The following P4HA3 variants were observed in gnomAD, a reference collection of about 807,000 sequenced individuals.
P4HA3 encodes the protein prolyl 4-hydroxylase subunit alpha-3.
Under a neutral mutation model 66.7 loss-of-function variants are expected in P4HA3, and 60 were observed. The ratio of observed to expected loss-of-function variants is 0.90; its 90% CI spans 0.73 to 1.12. The LOEUF (loss-of-function observed/expected upper bound fraction) is 1.12, where lower values mean the gene tolerates loss of function less well. Among genes scored for constraint, P4HA3 ranks in the 50% most tolerant of loss-of-function variants. P4HA3 has a pLI of 0.00. For synonymous variants in P4HA3, 263 were observed against 274.6 expected (o/e 0.96, Z 0.42); for missense variants, 683 against 685.8 (o/e 1.00, Z 0.05).
intron 5 of P4HA3, among the ~76,000 whole-genome samples, chr11:74,287,941 G>C (rs1234052942): frequency 6.6e-6 from 1 of 152,068 alleles, no homozygotes; most frequent in African/African-American, 2.4e-5. Flanking sequence ...ACTTGAACCT[G>C]GGAGGCAGAG....
At chr11:74,294,636 T>C (rs1176803910) in intron 4 of P4HA3, among the ~76,000 whole-genome samples, 1 of 152,220 alleles carries the variant, frequency 6.6e-6, no homozygotes, top group Non-Finnish European at 1.5e-5. Flanking sequence ...GTGGATGTCC[T>C]TTCTGTTTGT....
intron 15 of P4HA3, chr11:74,250,947 T>C (rs894965277): frequency 5.0e-6 from 8 of 1,594,500 alleles, no homozygotes; most frequent in Non-Finnish European, 6.8e-6. Context: ...CTTTGATTCC[T>C]CTCCAGGGAA....
At position 74,295,089 on chromosome 11, in the gene P4HA3, C is replaced by T. The variant is rs562247126; in HGVS notation, c.717+3123G>A. On this transcript the variant is annotated intron_variant, in intron 4 of 12. Transcript: ENST00000331597. ...CCCCCCGTGCCCTCAAATCTTAAAGCATGCAAAACCATGTAATTGCGGGGC... is the reference window on the plus strand; with the variant it reads ...CCCCCCGTGCCCTCAAATCTTAAAGTATGCAAAACCATGTAATTGCGGGGC... Among the ~76,000 whole-genome samples, 61 of 152,276 alleles carry T rather than the reference C, an allele frequency of 4.0e-4. No individual in the cohort carries two copies. The East Asian group carries it at 0.011, about 26-fold the overall frequency.
intron 10 of P4HA3, among the ~76,000 whole-genome samples, chr11:74,270,989 C>T (rs1860175633): frequency 6.6e-6 from 1 of 152,196 alleles, no homozygotes; most frequent in African/African-American, 2.4e-5. Flanking sequence ...ATACATTTTG[C>T]TAAATTATTT....
chr11:74,293,001 T>C (rs917354326), intron 4 of P4HA3, among the ~76,000 whole-genome samples: 3 of 152,240 alleles, frequency 2.0e-5, no homozygotes, highest in Admixed American at 1.3e-4. Context: ...TGTGTATCCT[T>C]GTTAACTTTC....
Position 74,268,168 on chromosome 11 carries a change from G to C in P4HA3, c.1541C>G (p.Pro514Arg), listed in dbSNP as rs749420244. The C allele has an allele frequency of 4.3e-5, 70 of 1,613,902 alleles. No individual in the cohort carries two copies. Among genetic ancestry groups the C allele is most frequent in the Non-Finnish European group, 5.4e-5 (64 of 1,179,918 alleles). The stretch of plus-strand genomic sequence containing the variant: ...ACCCCACTTATCTCCCACCAGGACA[G>C]GACAGCCAGCATGAAGTGTGTCACT... ...GDSDTLHAGC[P>R]VLVGDKWVAN... is the part of the protein sequence containing the mutation. Residue 514 changes from proline to arginine, a missense_variant, in exon 12 of 13, where the codon CCT (proline) becomes CGT (arginine). Transcript: ENST00000331597.
In P4HA3 at chr11:74,267,169, C is replaced by T. The variant is rs1258403695; in HGVS notation, c.*79G>A. 1.9e-6 allele frequency: 3 copies of T among 1,603,452 alleles called. No homozygotes were observed. Among genetic ancestry groups the T allele is most frequent in the Non-Finnish European group, 2.6e-6 (3 of 1,176,102 alleles). On this transcript the variant is annotated 3_prime_UTR_variant, in exon 13 of 13. Coordinates refer to ENST00000331597, the MANE Select transcript of P4HA3 (RefSeq NM_182904.5). Reference sequence around the variant, plus strand: ...TTCTTCCAGGAGGCTGCTCTGCTTTCTCCTCTCCTACCCCAGCTTTTGGCT... The same window carrying T: ...TTCTTCCAGGAGGCTGCTCTGCTTTTTCCTCTCCTACCCCAGCTTTTGGCT...
rs1461326356 is a variant in P4HA3 at position 74,257,914 on chromosome 11, GAGGGGCCAAGAACCCTTAAGTTGGATGC to G, written c.*1318+1981_*1318+2008del. ...AAGAGACTAGTTAGATTTCAAAAGT[GAGGGGCCAAGAACCCTTAAGTTGGATGC>G]AGGGGCCTGTCATGAGAAGTGGGGG... is the stretch of plus-strand genomic sequence containing the variant. On this transcript the variant is annotated intron_variant and NMD_transcript_variant, in intron 15 of 15. Transcript: ENST00000524388. 3.3e-5 allele frequency among the ~76,000 whole-genome samples: 5 copies of G among 152,194 alleles called. No individual in the cohort carries two copies. The East Asian group carries it at 9.6e-4, about 29-fold the overall frequency.
At chr11:74,251,396 A>C (rs1859656297) in intron 15 of P4HA3, 1 of 1,368,088 alleles carries the variant, frequency 7.3e-7, no homozygotes, top group African/African-American at 1.5e-5. Context: ...ACCATTCTGT[A>C]ACTCTGAGGG....
chr11:74,304,690 G>A (rs950064747), intron 1 of P4HA3, among the ~76,000 whole-genome samples: 5 of 152,140 alleles, frequency 3.3e-5, no homozygotes, highest in African/African-American at 9.7e-5. Flanking sequence ...AGGCAAGACA[G>A]GGTCCAGCTC....
At chr11:74,268,902 T>C (rs960799387) in intron 11 of P4HA3, among the ~76,000 whole-genome samples, 1 of 152,174 alleles carries the variant, frequency 6.6e-6, no homozygotes, top group African/African-American at 2.4e-5. Context: ...GTCCTCAAAG[T>C]AGACAAAACT....
intron 5 of P4HA3, among the ~76,000 whole-genome samples, chr11:74,286,803 G>C (rs1441252824): frequency 6.6e-6 from 1 of 152,220 alleles, no homozygotes; most frequent in Non-Finnish European, 1.5e-5. Flanking sequence ...CTGTGCTACA[G>C]GTTGACCTCT....
intron 10 of P4HA3, among the ~76,000 whole-genome samples, chr11:74,271,305 T>A (rs1375924794): frequency 6.6e-6 from 1 of 152,216 alleles, no homozygotes; most frequent in Non-Finnish European, 1.5e-5. Context: ...AATTAGATTA[T>A]TCTATTCTAG....
chr11:74,293,176 A>T (rs1477491121), intron 4 of P4HA3, among the ~76,000 whole-genome samples: 2 of 151,888 alleles, frequency 1.3e-5, no homozygotes, highest in Non-Finnish European at 2.9e-5. Flanking sequence ...CTTCTTGTTG[A>T]ATTGATCCCT....
chr11:74,269,216 T>A (rs780816041), intron 11 of P4HA3, among the ~76,000 whole-genome samples: 2 of 152,186 alleles, frequency 1.3e-5, no homozygotes, highest in African/African-American at 2.4e-5. Flanking sequence ...AAATCCCTAT[T>A]GCAACATCAT....
chr11:74,279,014 A>C (rs1860498142), intron 8 of P4HA3, among the ~76,000 whole-genome samples: 1 of 152,210 alleles, frequency 6.6e-6, no homozygotes, highest in East Asian at 1.9e-4. Context: ...ATTCTTGGCA[A>C]GTCATGCTTT....
intron 9 of P4HA3, among the ~76,000 whole-genome samples, chr11:74,275,823 A>G (rs1024226303): frequency 1.3e-5 from 2 of 152,210 alleles, no homozygotes; most frequent in Non-Finnish European, 2.9e-5. Flanking sequence ...AAAATAAAGT[A>G]TTATATTACA....
intron 15 of P4HA3, among the ~76,000 whole-genome samples, chr11:74,257,429 G>A (rs920352554): frequency 1.3e-5 from 2 of 152,146 alleles, no homozygotes; most frequent in Admixed American, 1.3e-4. Context: ...CCAGCCAAGA[G>A]GTAGCATTTG....
At chr11:74,257,571 G>A (rs536674473) in intron 15 of P4HA3, among the ~76,000 whole-genome samples, 3 of 152,294 alleles carry the variant, frequency 2.0e-5, no homozygotes, top group East Asian at 1.9e-4. Flanking sequence ...AGTATGGGCC[G>A]AGATAGGAGA....
Sources: allele counts gnomAD v4.1 joint callset (sites outside exome capture counted in the v4.1 genomes callset), GRCh38; gene constraint gnomAD v4.1.1; transcripts MANE v1.5; gene names NCBI Gene and HGNC (gene_info 2026-07-23, HGNC 2026-07-21).